SLAIN2: variants seen among roughly 807,000 people sequenced by gnomAD.
SLAIN2 encodes the protein SLAIN motif-containing protein 2.
SLAIN2 carries 31 observed loss-of-function variants against 56.6 expected under a neutral mutation model. The ratio of observed to expected loss-of-function variants is 0.55; its 90% CI spans 0.41 to 0.74. The LOEUF is 0.74. Ranked by LOEUF, SLAIN2 falls within the 30% of genes least tolerant of loss-of-function variation. The pLI, the probability that SLAIN2 is intolerant of heterozygous loss-of-function variation, is 0.00. For missense variants in SLAIN2, 777 were observed against 754.2 expected (o/e 1.03, Z -0.35); for synonymous variants, 317 against 284.9 (o/e 1.11, Z -1.13).
chr4:48,341,846 G>T lies in SLAIN2; in HGVS notation c.107G>T (p.Gly36Val). 1 of 1,523,668 alleles carries T rather than the reference G, an allele frequency of 6.6e-7. No individual in the cohort carries two copies. Among genetic ancestry groups the T allele is most frequent in the Non-Finnish European group, 8.8e-7 (1 of 1,135,992 alleles). The allele number at this position is 1,523,668 out of a possible 1,614,324, so 94.4% of individuals were successfully genotyped here. A position where few individuals can be genotyped will look rare whatever the true frequency, so the allele number is the denominator to read the frequency against. ...KQNEQLRSRS[G>V]AVQGAGSLGP... is the part of the protein sequence containing the mutation. ...AACGAACAGCTGAGGAGCCGCTCGG[G>T]GGCCGTGCAGGGCGCCGGCTCCCTT... The change falls in exon 1 of 8, where the codon GGG (glycine) becomes GTG (valine). Residue 36 changes from glycine to valine, a missense_variant. Physicochemically the swap from Gly to Val is moderately radical, Grantham distance 109. Transcript: ENST00000264313.
chr4:48,374,624 C>T (rs1241327199), intron 2 of SLAIN2, among the ~76,000 whole-genome samples: 1 of 151,972 alleles, frequency 6.6e-6, no homozygotes, highest in Non-Finnish European at 1.5e-5. Flanking sequence ...ACAGGAAGGA[C>T]GTCATCAATT....
At position 48,426,146 on chromosome 4, in the gene SLAIN2, CTTT is replaced by C. The variant is rs549721524; in HGVS notation, c.*4078_*4080del. Reference sequence around the variant, plus strand: ...CATGTTAAGTGGAAGGGTAGAAGGTCTTTTTTTTTTTAAGGAGAAAATGTTTCT... The same window carrying C: ...CATGTTAAGTGGAAGGGTAGAAGGTCTTTTTTTTAAGGAGAAAATGTTTCT... On this transcript the variant is annotated 3_prime_UTR_variant, in exon 8 of 8. Transcript: ENST00000264313. The C allele has an allele frequency of 1.4e-5, 2 of 143,228 alleles. No individual in the cohort carries two copies. The highest frequency in any genetic ancestry group is 3.1e-5 in the Non-Finnish European group (2 of 65,028). The allele number at this position is 143,228 out of a possible 1,614,324, so 8.9% of individuals were successfully genotyped here. A position where few individuals can be genotyped will look rare whatever the true frequency, so the allele number is the denominator to read the frequency against.
intron 6 of SLAIN2, among the ~76,000 whole-genome samples, chr4:48,413,920 T>A (rs1329280660): frequency 6.6e-6 from 1 of 152,184 alleles, no homozygotes; most frequent in Non-Finnish European, 1.5e-5. Context: ...TATGTATAAT[T>A]TATTCAGTTT....
intron 1 of SLAIN2, among the ~76,000 whole-genome samples, chr4:48,361,730 C>G (rs1321534852): frequency 1.3e-5 from 2 of 151,972 alleles, no homozygotes; most frequent in African/African-American, 2.4e-5. Context: ...CTGAGGTTTT[C>G]TAGGGATATG....
intron 1 of SLAIN2, among the ~76,000 whole-genome samples, chr4:48,357,103 CAGA>C (rs1362954687): frequency 1.3e-5 from 2 of 150,454 alleles, no homozygotes; most frequent in African/African-American, 2.4e-5. Flanking sequence ...CTCTAAAAAC[CAGA>C]AGAACATATT....
chr4:48,420,522 T>C, intron 7 of SLAIN2, 79 bp downstream of exon 7: 2 of 1,481,990 alleles, frequency 1.3e-6, no homozygotes, highest in South Asian at 1.2e-5. Context: ...TTCATCCGTA[T>C]GTTTGATAGT....
intron 6 of SLAIN2, among the ~76,000 whole-genome samples, chr4:48,386,148 T>C (rs1467584554): frequency 1.3e-5 from 2 of 151,746 alleles, no homozygotes; most frequent in Non-Finnish European, 2.9e-5. Context: ...ATGACTTCTG[T>C]GATATATTGA....
intron 6 of SLAIN2, among the ~76,000 whole-genome samples, chr4:48,393,956 A>G (rs982084129): frequency 6.6e-6 from 1 of 152,166 alleles, no homozygotes; most frequent in Non-Finnish European, 1.5e-5. Flanking sequence ...CTCAACCCAC[A>G]CCAGCATTAC....
intron 1 of SLAIN2, among the ~76,000 whole-genome samples, chr4:48,354,213 A>G (rs1246208158): frequency 3.3e-5 from 5 of 152,226 alleles, no homozygotes; most frequent in African/African-American, 1.2e-4. Flanking sequence ...GAGTTGATAG[A>G]ATAACAAAAA....
rs978473082 is a variant in SLAIN2, at chr4:48,423,215, A to G, written c.*1138A>G. On this transcript the variant is annotated 3_prime_UTR_variant, in exon 8 of 8. Coordinates refer to ENST00000264313, the MANE Select transcript of SLAIN2 (RefSeq NM_020846.2). ...AACTGAGTAACTGTATAAAACATCTATTGAAAATTCTTTTCCTTTTGACTT... is the reference window on the plus strand; with the variant it reads ...AACTGAGTAACTGTATAAAACATCTGTTGAAAATTCTTTTCCTTTTGACTT... The G allele has an allele frequency of 1.3e-5, 2 of 152,122 alleles. No homozygotes were observed. Among genetic ancestry groups the G allele is most frequent in the Non-Finnish European group, 1.5e-5 (1 of 68,028 alleles). 9.4% of individuals were successfully genotyped at this position (152,122 alleles called of 1,614,324 possible).
rs1717214279 is a variant in SLAIN2, at chr4:48,423,375, TTACCAGAGTAAAACTTGCTTCTG to T, written c.*1301_*1323del. ...CGGCTATTTCAATTTTATCAGACTT[TTACCAGAGTAAAACTTGCTTCTG>T]TAGCAGGCCTCTCATTTTTTATTAT... is the stretch of plus-strand genomic sequence containing the variant. On this transcript the variant is annotated 3_prime_UTR_variant, in exon 8 of 8. Coordinates refer to ENST00000264313, the MANE Select transcript of SLAIN2 (RefSeq NM_020846.2). 1 of 152,180 alleles carries T rather than the reference TTACCAGAGTAAAACTTGCTTCTG, an allele frequency of 6.6e-6. No homozygotes were observed. Among genetic ancestry groups the T allele is most frequent in the Non-Finnish European group, 1.5e-5 (1 of 68,012 alleles). The allele number at this position is 152,180 out of a possible 1,614,324, so 9.4% of individuals were successfully genotyped here. A position where few individuals can be genotyped will look rare whatever the true frequency, so the allele number is the denominator to read the frequency against.
chr4:48,396,034 A>G (rs1294544694), intron 6 of SLAIN2, among the ~76,000 whole-genome samples: 4 of 152,188 alleles, frequency 2.6e-5, no homozygotes, highest in Non-Finnish European at 5.9e-5. Context: ...GTAGGTTTAC[A>G]TAACTTAAAA....
intron 6 of SLAIN2, among the ~76,000 whole-genome samples, chr4:48,385,913 G>A (rs1170232124): frequency 6.6e-6 from 1 of 151,314 alleles, no homozygotes; most frequent in Non-Finnish European, 1.5e-5. Flanking sequence ...ACCAGCCTGA[G>A]CAACACAAGA....
chr4:48,394,533 T>G, intron 6 of SLAIN2: 1 of 1,466,324 alleles, frequency 6.8e-7, no homozygotes, highest in Non-Finnish European at 9.2e-7. Flanking sequence ...AGCCTTTGTC[T>G]TGTACTTCCA....
intron 6 of SLAIN2, among the ~76,000 whole-genome samples, chr4:48,401,735 CTG>C (rs1313322088): frequency 2.0e-5 from 3 of 152,098 alleles, no homozygotes; most frequent in Admixed American, 1.3e-4. Context: ...GCTTGCTACT[CTG>C]TGTCTTTTAA....
chr4:48,420,884 T>C (rs1717128910), intron 7 of SLAIN2, among the ~76,000 whole-genome samples: 2 of 152,222 alleles, frequency 1.3e-5, no homozygotes, highest in African/African-American at 4.8e-5. Flanking sequence ...TTCAGAATTA[T>C]CTGTGAGATT....
At chr4:48,396,985 G>GT (rs1384169195) in intron 6 of SLAIN2, among the ~76,000 whole-genome samples, 2 of 152,076 alleles carry the variant, frequency 1.3e-5, no homozygotes, top group East Asian at 1.9e-4. Context: ...CTTTTTGCAA[G>GT]TTTTTTGTGT....
chr4:48,350,362 C>T (rs774942998), intron 1 of SLAIN2, among the ~76,000 whole-genome samples: 1 of 152,200 alleles, frequency 6.6e-6, no homozygotes, highest in East Asian at 1.9e-4. Flanking sequence ...CCCCTGCCTC[C>T]TTACCCTTCT....
intron 1 of SLAIN2, among the ~76,000 whole-genome samples, chr4:48,346,835 C>CTTTTTTT (rs71191209): frequency 7.8e-6 from 1 of 128,008 alleles, no homozygotes; most frequent in Non-Finnish European, 1.6e-5. Context: ...TTCTATTTCC[C>CTTTTTTT]TTTTTTTTTT....
Sources: allele counts gnomAD v4.1 joint callset (sites outside exome capture counted in the v4.1 genomes callset), GRCh38; gene constraint gnomAD v4.1.1; transcripts MANE v1.5; gene names NCBI Gene and HGNC (gene_info 2026-07-23, HGNC 2026-07-21).